Variants in TEX14 observed in about 807,000 individuals in gnomAD.
TEX14 encodes testis expressed 14, intercellular bridge forming factor, also known as inactive serine/threonine-protein kinase TEX14.
A neutral mutation model predicts 178.6 loss-of-function variants in TEX14; 168 were observed. The observed-to-expected ratio is 0.94, with a 90% CI of 0.83 to 1.07. The LOEUF (loss-of-function observed/expected upper bound fraction) is 1.07, where lower values mean the gene tolerates loss of function less well. Ranked by LOEUF, TEX14 falls within the 50% of genes least tolerant of loss-of-function variation. The probability of loss-of-function intolerance (pLI) is 0.00; values close to 1 mark genes in which losing one functional copy is unlikely to be tolerated. For missense variants in TEX14, 1,730 were observed against 1,753.6 expected, an observed-to-expected ratio of 0.99 and a Z score of 0.24; for synonymous variants, 626 against 634.1, an observed-to-expected ratio of 0.99 and a Z score of 0.19.
intron 1 of TEX14, among the ~76,000 whole-genome samples, chr17:58,671,743 G>A (rs373566160): frequency 1.6e-4 from 24 of 152,140 alleles, no homozygotes; most frequent in East Asian, 1.4e-3. Context: ...TTAAAAACTC[G>A]TTTTCTTGTT....
Position 58,598,982 on chromosome 17 carries a change from A to G in TEX14, c.2363T>C (p.Val788Ala). The G allele has an allele frequency of 6.2e-7, 1 of 1,614,028 alleles. No individual in the cohort carries two copies. Among genetic ancestry groups the G allele is most frequent in the Non-Finnish European group, 8.5e-7 (1 of 1,179,972 alleles). The change falls in exon 14 of 32, where the codon GTG becomes GCG. Residue 788 changes from valine (V) to alanine (A), a missense_variant. By Grantham distance (64) the Val-to-Ala change is moderately conservative (BLOSUM62 0). Transcript: ENST00000349033. The part of the protein sequence containing the change: ...FTNAYKLPLA[V>A]GPPSLNYIPP... ...AATATAGTTTAAAGATGGAGGGCCCACGGCCAGAGGTAACTTGTAGGCATT... is the reference window on the plus strand; with the variant it reads ...AATATAGTTTAAAGATGGAGGGCCCGCGGCCAGAGGTAACTTGTAGGCATT...
At chr17:58,680,672 G>T (rs1285794760) in intron 1 of TEX14, among the ~76,000 whole-genome samples, 1 of 152,044 alleles carries the variant, frequency 6.6e-6, no homozygotes, top group Non-Finnish European at 1.5e-5. Context: ...GGAGATGGAG[G>T]TTGCAATGAG....
At chr17:58,622,566 T>C (rs2046024176) in intron 4 of TEX14, among the ~76,000 whole-genome samples, 2 of 152,248 alleles carry the variant, frequency 1.3e-5, no homozygotes, top group South Asian at 4.1e-4. Flanking sequence ...ATTGAGTTAA[T>C]ATATAAAAAA....
chr17:58,657,502 CTTTTTTTTTTTTTT>C (rs35359604), intron 1 of TEX14, among the ~76,000 whole-genome samples: 2 of 51,352 alleles, frequency 3.9e-5, no homozygotes, highest in African/African-American at 8.4e-5. Context: ...ACGGGAAATG[CTTTTTTTTTTTTTT>C]TTTTTTTTTT....
At chr17:58,577,662 A>G (rs1434133438) in intron 20 of TEX14, among the ~76,000 whole-genome samples, 1 of 152,184 alleles carries the variant, frequency 6.6e-6, no homozygotes, top group Non-Finnish European at 1.5e-5. Flanking sequence ...TTCCTTGCTC[A>G]GAGCACAGAA....
At chr17:58,678,156 GA>G (rs1018654176) in intron 1 of TEX14, among the ~76,000 whole-genome samples, 29 of 151,266 alleles carry the variant, frequency 1.9e-4, no homozygotes, top group African/African-American at 6.8e-4. Context: ...ACTCAAGGGG[GA>G]AAAAAAAGGG....
In TEX14 at chr17:58,654,199, T is replaced by C. The variant is rs73329019; in HGVS notation, c.-1-2197A>G. ...TCTCAAAAATAAAAAATAAAAAGAA[T>C]TGGAGAAACTGGTGCCTGAGTACTA... On this transcript the variant is annotated intron_variant, in intron 1 of 31. Transcript: ENST00000349033. 9.1e-3 allele frequency among the ~76,000 whole-genome samples: 1,382 copies of C among 151,916 alleles called. 23 individuals are homozygous for C. Among genetic ancestry groups the C allele is most frequent in the African/African-American group, 0.031 (1,276 of 41,454 alleles).
chr17:58,572,041 C>T lies in TEX14; in HGVS notation c.3597G>A (p.Trp1199Ter). 6.2e-7 allele frequency: 1 copy of T among 1,614,068 alleles called. No homozygotes were observed. Among genetic ancestry groups the T allele is most frequent in the Non-Finnish European group, 8.5e-7 (1 of 1,179,962 alleles). The part of the protein sequence containing the change: ...FQVKTEFASC[W>*]NSQEFIQTLS... ...AAGTTTGAATAAATTCTTGACTGTT[C>T]CAGCAAGAGGCAAACTCTGTCTTAA... Residue 1199 changes from tryptophan to a stop codon, truncating the protein, a stop_gained, in exon 24 of 32, where the codon TGG becomes TGA. Coordinates refer to ENST00000349033, the MANE Select transcript of TEX14 (RefSeq NM_031272.5). LOFTEE classifies it high-confidence loss of function.
chr17:58,602,661 G>T, intron 11 of TEX14, 71 bp from the exon 12 acceptor site: 2 of 1,292,750 alleles, frequency 1.5e-6, no homozygotes, highest in South Asian at 1.4e-5. Context: ...AAAGAAATCA[G>T]ATGAAGCTGG....
At chr17:58,652,347 G>A (rs117523295) in intron 1 of TEX14, among the ~76,000 whole-genome samples, 2,467 of 152,270 alleles carry the variant, frequency 0.016, 38 homozygotes, top group South Asian at 0.042. Flanking sequence ...CTAGTGGGAG[G>A]TAATTTAATC....
chr17:58,636,228 C>T (rs1024420043), intron 2 of TEX14, among the ~76,000 whole-genome samples: 1 of 152,142 alleles, frequency 6.6e-6, no homozygotes, highest in Non-Finnish European at 1.5e-5. Context: ...TTATTTTAGG[C>T]CAGCATTGTA....
intron 18 of TEX14, 32 bp from the exon 19 acceptor site, chr17:58,584,632 C>A: frequency 1.3e-6 from 2 of 1,505,500 alleles, no homozygotes; most frequent in South Asian, 2.2e-5. Context: ...GGGTCAAAGT[C>A]ATTCAGTGAT....
chr17:58,577,454 C>T lies in TEX14; in HGVS notation c.3241G>A (p.Glu1081Lys). 7.2e-7 allele frequency: 1 copy of T among 1,382,306 alleles called. No homozygotes were observed. The highest frequency in any genetic ancestry group is 9.8e-7 in the Non-Finnish European group (1 of 1,024,038). 85.6% of individuals were successfully genotyped at this position (1,382,306 alleles called of 1,614,324 possible). A position where few individuals can be genotyped will look rare whatever the true frequency, so the allele number is the denominator to read the frequency against. Residue 1081 changes from glutamate to lysine, a missense_variant and splice_region_variant, in exon 21 of 32, where the codon GAG becomes AAG. Glu to Lys is a moderately conservative substitution (Grantham distance 56). Coordinates refer to ENST00000349033, the MANE Select transcript of TEX14 (RefSeq NM_031272.5). ...GAFAQPQVSG[E>K]EKFQMRKILG... ...ATTTTTCTCATTTGGAACTTTTCCTCACCTGAAAGAATAAAGTTAAAAATA... is the reference window on the plus strand; with the variant it reads ...ATTTTTCTCATTTGGAACTTTTCCTTACCTGAAAGAATAAAGTTAAAAATA...
chr17:58,645,452 G>A (rs1028382323), intron 2 of TEX14, among the ~76,000 whole-genome samples: 140 of 151,900 alleles, frequency 9.2e-4, no homozygotes, highest in African/African-American at 3.2e-3. Context: ...TCCGCCTCCC[G>A]GGTTCACGCC....
chr17:58,666,113 G>A (rs1340901962), intron 1 of TEX14, among the ~76,000 whole-genome samples: 1 of 151,634 alleles, frequency 6.6e-6, no homozygotes, highest in Non-Finnish European at 1.5e-5. Flanking sequence ...GGAGGCTGAA[G>A]GTGTGGATCA....
intron 10 of TEX14, among the ~76,000 whole-genome samples, chr17:58,605,621 G>A (rs1458294555): frequency 3.9e-5 from 6 of 152,184 alleles, no homozygotes; most frequent in Non-Finnish European, 7.3e-5. Flanking sequence ...TCAAGTCACA[G>A]GGACCTTCTT....
intron 1 of TEX14, among the ~76,000 whole-genome samples, chr17:58,687,907 A>C (rs966589446): frequency 6.6e-6 from 1 of 152,142 alleles, no homozygotes; most frequent in Non-Finnish European, 1.5e-5. Flanking sequence ...ATAGATTATA[A>C]GCTCCATGAG....
chr17:58,570,782 C>T (rs1338234944), intron 24 of TEX14, among the ~76,000 whole-genome samples: 7 of 151,948 alleles, frequency 4.6e-5, no homozygotes, highest in Non-Finnish European at 7.4e-5. Context: ...TGTACCACCA[C>T]GCCCAGCCAA....
Position 58,621,785 on chromosome 17 carries a change from A to G in TEX14, c.419T>C (p.Ile140Thr), listed in dbSNP as rs1049374206. ...GGCACAGCGCTGCATGAACTCCACT[A>G]TCTGCAAAACATCGCAGAGATGCCC... is the stretch of plus-strand genomic sequence containing the variant. ...LTAGKERSTQ[I>T]VEFMQRCASH... Residue 140 changes from isoleucine (I) to threonine (T), a missense_variant and splice_region_variant, in exon 5 of 32, where the codon ATA (isoleucine) becomes ACA (threonine). By Grantham distance (89) the Ile-to-Thr change is moderately conservative (BLOSUM62 -1). This residue lies in a region of TEX14 where 789 missense variants were observed against 681.2 expected (regional missense o/e 1.16). Coordinates refer to ENST00000349033, the MANE Select transcript of TEX14 (RefSeq NM_031272.5). 2 of 1,612,758 alleles carry G rather than the reference A, an allele frequency of 1.2e-6. No individual in the cohort carries two copies. Among genetic ancestry groups the G allele is most frequent in the Non-Finnish European group, 1.7e-6 (2 of 1,179,208 alleles).
Sources: gnomAD v4.1 joint callset for allele counts (sites outside exome capture counted in the v4.1 genomes callset) on GRCh38, gnomAD v4.1.1 for gene constraint, gnomAD v4.1.1 regional missense constraint, MANE v1.5 for transcripts, NCBI Gene and HGNC (gene_info 2026-07-23, HGNC 2026-07-21) for gene names.